The following ERC1 variants were observed in gnomAD, a reference collection of about 807,000 sequenced individuals.
ERC1 encodes the protein RAB6 interacting protein 2.
Under a neutral mutation model 132.0 loss-of-function variants are expected in ERC1, and 56 were observed. That is an observed-to-expected ratio of 0.42 (90% CI 0.34 to 0.53). The LOEUF is 0.53. Among genes scored for constraint, ERC1 ranks in the 20% least tolerant of loss-of-function variants. The pLI is 0.03. For synonymous variants in ERC1, 478 were observed against 476.1 expected (o/e 1.00, Z -0.05); for missense variants, 1,202 against 1,349.9 (o/e 0.89, Z 1.72).
chr12:1,229,771 G>A (rs770628892), intron 12 of ERC1, among the ~76,000 whole-genome samples: 1 of 151,890 alleles, frequency 6.6e-6, no homozygotes, highest in Non-Finnish European at 1.5e-5. Context: ...TGATTTTTTA[G>A]AATTTTCTTT....
At chr12:1,455,918 C>T (rs149464160) in intron 18 of ERC1, among the ~76,000 whole-genome samples, 1 of 152,204 alleles carries the variant, frequency 6.6e-6, no homozygotes, top group African/African-American at 2.4e-5. Flanking sequence ...TCGAAAGATG[C>T]GACGGAGTGG....
chr12:1,143,476 A>G (rs150576114), intron 8 of ERC1, among the ~76,000 whole-genome samples: 2 of 151,846 alleles, frequency 1.3e-5, no homozygotes, highest in African/African-American at 2.4e-5. Context: ...TTTTCTAGTG[A>G]TATTGATCTG....
intron 17 of ERC1, among the ~76,000 whole-genome samples, chr12:1,436,143 TACAG>T (rs1168632050): frequency 6.9e-6 from 1 of 145,904 alleles, no homozygotes; most frequent in Non-Finnish European, 1.5e-5. Flanking sequence ...CCCTTCCATG[TACAG>T]ACAGACGGAC....
rs2094330170 is a variant in ERC1 at position 1,492,993 on chromosome 12, A to T, written c.*2763A>T. Reference sequence around the variant, plus strand: ...ATTTTCCCCAAACCCCTCCATCGGCAAGTCTAGTTGCCCTTTAGCACCTAA... The same window carrying T: ...ATTTTCCCCAAACCCCTCCATCGGCTAGTCTAGTTGCCCTTTAGCACCTAA... On this transcript the variant is annotated 3_prime_UTR_variant, in exon 19 of 19. Coordinates refer to ENST00000360905, the MANE Select transcript of ERC1 (RefSeq NM_178040.4). The T allele has an allele frequency of 4.4e-6, 1 of 226,084 alleles. No individual in the cohort carries two copies. Among genetic ancestry groups the T allele is most frequent in the South Asian group, 1.8e-4 (1 of 5,470 alleles). The allele number at this position is 226,084 out of a possible 1,614,324, so 14.0% of individuals were successfully genotyped here. A position where few individuals can be genotyped will look rare whatever the true frequency, so the allele number is the denominator to read the frequency against.
rs531940036 is a variant in ERC1 at position 1,242,035 on chromosome 12, C to T, written c.2487+5131C>T. 1.7e-3 allele frequency among the ~76,000 whole-genome samples: 253 copies of T among 151,456 alleles called. 2 individuals are homozygous for T. The highest frequency in any genetic ancestry group is 6.8e-3 in the Middle Eastern group (2 of 294). On this transcript the variant is annotated intron_variant, in intron 13 of 18. Coordinates refer to ENST00000360905, the MANE Select transcript of ERC1 (RefSeq NM_178040.4). ...AATTTTTTTGAATTTTTAGTAGAGT[C>T]GGGGTTTCACCATTTTGGCCAGGCT...
chr12:1,032,958 C>T (rs1968340208), intron 2 of ERC1, among the ~76,000 whole-genome samples: 1 of 151,830 alleles, frequency 6.6e-6, no homozygotes, highest in Non-Finnish European at 1.5e-5. Context: ...CTGCAACCTC[C>T]ATCTCCAGGG....
At chr12:1,154,209 G>GTGTGTGTA (rs1951101047) in intron 8 of ERC1, among the ~76,000 whole-genome samples, 1 of 113,296 alleles carries the variant, frequency 8.8e-6, no homozygotes, top group African/African-American at 3.1e-5. Flanking sequence ...CATGGTGTGT[G>GTGTGTGTA]TGTGTATGTA....
intron 15 of ERC1, among the ~76,000 whole-genome samples, chr12:1,306,219 C>G (rs1396653572): frequency 6.6e-6 from 1 of 152,168 alleles, no homozygotes; most frequent in African/African-American, 2.4e-5. Context: ...CTTAAATTCT[C>G]TAAGCTCTAG....
intron 16 of ERC1, among the ~76,000 whole-genome samples, chr12:1,394,222 A>G (rs532116667): frequency 1.3e-4 from 20 of 150,740 alleles, no homozygotes; most frequent in Admixed American, 1.3e-3. Flanking sequence ...AACACGGTGA[A>G]ACCCCATCTC....
At position 1,346,416 on chromosome 12, in the gene ERC1, T is replaced by G. The variant is rs114744829; in HGVS notation, c.2781-25417T>G. Among the ~76,000 whole-genome samples, 579 of 152,310 alleles carry G rather than the reference T, an allele frequency of 3.8e-3. 5 individuals are homozygous for G. Among genetic ancestry groups the G allele is most frequent in the African/African-American group, 0.013 (530 of 41,570 alleles). On this transcript the variant is annotated intron_variant, in intron 15 of 18. Transcript: ENST00000360905. ...GGGATATTACTGGGAATTCTCACAG[T>G]TTTATCACCTCACTTCTGAATTGCT...
intron 7 of ERC1, among the ~76,000 whole-genome samples, chr12:1,130,887 T>C (rs1027617972): frequency 1.3e-5 from 2 of 152,200 alleles, no homozygotes; most frequent in African/African-American, 4.8e-5. Context: ...ATAGGATATA[T>C]CATTTAGAGT....
chr12:1,475,400 A>G (rs1287499118), intron 18 of ERC1, among the ~76,000 whole-genome samples: 1 of 152,242 alleles, frequency 6.6e-6, no homozygotes, highest in East Asian at 1.9e-4. Flanking sequence ...AGGAGCTTGA[A>G]GAACAGTTGG....
Position 1,122,595 on chromosome 12 carries a change from ATCTGTG to A in ERC1, c.1569+6566_1569+6571del, listed in dbSNP as rs1289723016. The stretch of plus-strand genomic sequence containing the variant: ...TGTCTCTATCTCTATCTCTATCTCT[ATCTGTG>A]TCTCTATCTCTATCTCTATCTGTGT... On this transcript the variant is annotated intron_variant, in intron 7 of 18. Coordinates refer to ENST00000360905, the MANE Select transcript of ERC1 (RefSeq NM_178040.4). Among the ~76,000 whole-genome samples the A allele has an allele frequency of 6.5e-3, 21 of 3,244 alleles. 3 individuals are homozygous for A. The highest frequency in any genetic ancestry group is 0.021 in the Non-Finnish European group (6 of 288). 2.1% of individuals were successfully genotyped at this position (3,244 alleles called of 152,430 possible).
chr12:1,433,944 A>C (rs975562969), intron 17 of ERC1, among the ~76,000 whole-genome samples: 5 of 144,342 alleles, frequency 3.5e-5, no homozygotes, highest in Admixed American at 1.5e-4. Context: ...ACACCACTGC[A>C]CTCCAGCCTA....
At chr12:1,376,454 A>AT (rs1203756135) in intron 16 of ERC1, among the ~76,000 whole-genome samples, 5 of 152,176 alleles carry the variant, frequency 3.3e-5, no homozygotes, top group African/African-American at 1.2e-4. Flanking sequence ...ACTTTTCAGA[A>AT]TTCTGTGAAA....
intron 3 of ERC1, among the ~76,000 whole-genome samples, chr12:1,104,378 A>G (rs1945016041): frequency 6.6e-6 from 1 of 152,188 alleles, no homozygotes; most frequent in East Asian, 1.9e-4. Context: ...TCCTTTTAAA[A>G]GGGAGCATTT....
chr12:1,488,315 G>C (rs1007585816), intron 18 of ERC1, among the ~76,000 whole-genome samples: 1 of 152,058 alleles, frequency 6.6e-6, no homozygotes, highest in Non-Finnish European at 1.5e-5. Flanking sequence ...TGCTCTTGCT[G>C]GGTGATCTTA....
At chr12:1,044,552 A>T (rs1319706648) in intron 2 of ERC1, among the ~76,000 whole-genome samples, 1 of 152,212 alleles carries the variant, frequency 6.6e-6, no homozygotes, top group Non-Finnish European at 1.5e-5. Flanking sequence ...ATTAAAGAAG[A>T]TAATATTTAT....
intron 8 of ERC1, among the ~76,000 whole-genome samples, chr12:1,157,721 G>A (rs753650396): frequency 5.9e-5 from 9 of 152,154 alleles, no homozygotes; most frequent in Non-Finnish European, 1.2e-4. Context: ...TGGTATCTCA[G>A]AAGTCAAGTG....
Sources: allele counts gnomAD v4.1 joint callset (sites outside exome capture counted in the v4.1 genomes callset), GRCh38; gene constraint gnomAD v4.1.1; transcripts MANE v1.5; gene names NCBI Gene and HGNC (gene_info 2026-07-23, HGNC 2026-07-21).